Variants in SPTB observed in about 807,000 individuals in gnomAD.
SPTB encodes the protein spectrin beta, erythrocytic.
SPTB carries 45 observed loss-of-function variants against 256.2 expected under a neutral mutation model. The ratio of observed to expected loss-of-function variants is 0.18; its 90% confidence interval spans 0.14 to 0.23. SPTB has a LOEUF of 0.23. Ranked by LOEUF, SPTB falls within the 10% of genes least tolerant of loss-of-function variation. SPTB has a pLI of 1.00. For missense variants in SPTB, 2,715 were observed against 3,040.4 expected (o/e 0.89, Z 2.52); for synonymous variants, 1,231 against 1,243.1 (o/e 0.99, Z 0.21).
chr14:64,775,368 C>G lies in SPTB; in HGVS notation c.4599G>C (p.Arg1533=). The G allele has an allele frequency of 6.2e-7, 1 of 1,613,250 alleles. No homozygotes were observed. ...GCCCTCTCTGCAGCACATCCTCAACCCGCGGCGTATGGCCCAGAATCTCAT... is the reference window on the plus strand; with the variant it reads ...GCCCTCTCTGCAGCACATCCTCAACGCGCGGCGTATGGCCCAGAATCTCAT... ...LQNEILGHTP[R]VEDVLQRGQQ... Residue 1533 remains arginine (R), a synonymous_variant, in exon 23 of 36, where the codon CGG becomes CGC. Coordinates refer to ENST00000644917, the MANE Select transcript of SPTB (RefSeq NM_001355436.2). This position sits in a 1 kb window ranked among gnomAD's most constrained non-coding sequence, Gnocchi z 5.0.
At chr14:64,834,800 A>C (rs76315978) in intron 1 of SPTB, among the ~76,000 whole-genome samples, 1 of 151,344 alleles carries the variant, frequency 6.6e-6, no homozygotes, top group South Asian at 2.1e-4. Context: ...ACCCAAAAAA[A>C]TTGATAAAAG....
rs566427804 is a variant in SPTB at position 64,765,838 on chromosome 14, G to A, written c.6345+888C>T. On this transcript the variant is annotated intron_variant, in intron 32 of 35. Transcript: ENST00000644917. ...TGTGTGTGAGTGTGTGTGTGTGTGG[G>A]GGTGTGGTGTGTGCACATGTATGTG... Among the ~76,000 whole-genome samples the A allele has an allele frequency of 2.4e-3, 357 of 146,744 alleles. 2 individuals carry two copies. The highest frequency in any genetic ancestry group is 3.9e-3 in the Non-Finnish European group (264 of 66,974).
chr14:64,787,224 G>GGA, intron 15 of SPTB, 64 bp from the exon 16 acceptor site: 1 of 1,589,328 alleles, frequency 6.3e-7, no homozygotes, highest in African/African-American at 1.3e-5. Flanking sequence ...TCTTCCCATA[G>GGA]GAGACCCTGA....
chr14:64,849,304 CAA>C (rs1412536524), intron 1 of SPTB, among the ~76,000 whole-genome samples: 2 of 152,188 alleles, frequency 1.3e-5, no homozygotes, highest in African/African-American at 4.8e-5. Context: ...TGGCACAAGC[CAA>C]AGTTTCCCCA....
intron 31 of SPTB, 88 bp downstream of exon 31, chr14:64,767,208 TGCAACTG>T (rs1382364964): frequency 6.6e-6 from 10 of 1,520,190 alleles, no homozygotes; most frequent in Non-Finnish European, 9.1e-6. Flanking sequence ...AGAAGTCAAA[TGCAACTG>T]GTCCCAATGT....
intron 2 of SPTB, among the ~76,000 whole-genome samples, chr14:64,811,372 T>C (rs921907155): frequency 1.3e-5 from 2 of 152,204 alleles, no homozygotes; most frequent in African/African-American, 4.8e-5. Context: ...CACACGCACA[T>C]GCAAACACAC....
chr14:64,865,547 C>A (rs1379764947), intron 1 of SPTB, among the ~76,000 whole-genome samples: 2 of 152,080 alleles, frequency 1.3e-5, no homozygotes, highest in East Asian at 3.9e-4. Context: ...GGGTCAGATG[C>A]GGTGAGAGCA....
In SPTB at chr14:64,782,320, G is replaced by C. The variant is rs229639; in HGVS notation, c.4236C>G (p.Thr1412=). The change falls in exon 20 of 36, where the codon ACC becomes ACG. Residue 1412 remains threonine (T), a synonymous_variant. Coordinates refer to ENST00000644917, the MANE Select transcript of SPTB (RefSeq NM_001355436.2). ...GCTTAGCCAACATCCGATTGACACT[G>C]GTCAGGTCCTTGCCCGGGTCGTCTG... ...LRSDDPGKDL[T]SVNRMLAKLK... The C allele has an allele frequency of 5.0e-6, 8 of 1,614,174 alleles. No individual in the cohort carries two copies. Among genetic ancestry groups the C allele is most frequent in the African/African-American group, 1.3e-5 (1 of 75,034 alleles).
rs1200921467 is a variant in SPTB at position 64,779,625 on chromosome 14, G to A, written c.4473+100C>T. 1.4e-5 allele frequency: 17 copies of A among 1,241,906 alleles called. No homozygotes were observed. The allele number at this position is 1,241,906 out of a possible 1,614,324, so 76.9% of individuals were successfully genotyped here. On this transcript the variant is annotated intron_variant, in intron 21 of 35. Transcript: ENST00000644917. This position sits in a 1 kb window ranked among gnomAD's most constrained non-coding sequence, Gnocchi z 4.2. Reference sequence around the variant, plus strand: ...TATGAGATAAGGGGTGAGGTGACCAGTCATCTACTGCCAAAAATTGCTCTG... The same window carrying A: ...TATGAGATAAGGGGTGAGGTGACCAATCATCTACTGCCAAAAATTGCTCTG...
At chr14:64,765,764 C>T (rs904410452) in intron 32 of SPTB, among the ~76,000 whole-genome samples, 1 of 151,660 alleles carries the variant, frequency 6.6e-6, no homozygotes, top group Admixed American at 6.6e-5. Context: ...ACTGAAGATG[C>T]CTGTGGTGGG....
rs182196242 is a variant in SPTB at position 64,816,112 on chromosome 14, T to A, written c.148+6835A>T. ...AGCCCTAAAAACCCAAATCTAACCG[T>A]GTCATTTCCCTGCTGAAAGTACTTT... On this transcript the variant is annotated intron_variant, in intron 2 of 35. Transcript: ENST00000644917. The surrounding 1 kb of genome is among the most constrained non-coding windows in gnomAD (Gnocchi z 4.2). 6.6e-6 allele frequency among the ~76,000 whole-genome samples: 1 copy of A among 152,260 alleles called. No individual in the cohort carries two copies. Among genetic ancestry groups the A allele is most frequent in the Admixed American group, 6.5e-5 (1 of 15,294 alleles).
chr14:64,791,637 A>C (rs1002610789), intron 15 of SPTB, 82 bp downstream of exon 15: 15 of 1,417,206 alleles, frequency 1.1e-5, no homozygotes, highest in Non-Finnish European at 1.4e-5. Flanking sequence ...TACTAGGTGG[A>C]CTAAATTTTG....
Position 64,767,667 on chromosome 14 carries a change from G to A in SPTB, c.6215C>T (p.Thr2072Ile). The A allele has an allele frequency of 6.2e-7, 1 of 1,614,058 alleles. No individual in the cohort carries two copies. The highest frequency in any genetic ancestry group is 8.5e-7 in the Non-Finnish European group (1 of 1,180,028). ...CCAGCACTGTTCCCTGCTCACCGTGGTGGGCTTCTCCAGGGCAGCAAAGCG... is the reference window on the plus strand; with the variant it reads ...CCAGCACTGTTCCCTGCTCACCGTGATGGGCTTCTCCAGGGCAGCAAAGCG... ...AERFAALEKP[T>I]TLELKERQIA... The change falls in exon 30 of 36, where the codon ACC (threonine) becomes ATC (isoleucine). Residue 2072 changes from threonine (T) to isoleucine (I), a missense_variant. Transcript: ENST00000644917.
chr14:64,769,166 C>T (rs1266544439), intron 28 of SPTB, 48 bp from the exon 29 acceptor site: 1 of 1,563,406 alleles, frequency 6.4e-7, no homozygotes, highest in Non-Finnish European at 8.8e-7. Flanking sequence ...CACCCTTCAC[C>T]ATCTGAGGCA....
chr14:64,829,265 T>C (rs1000022748), intron 1 of SPTB, among the ~76,000 whole-genome samples: 6 of 152,208 alleles, frequency 3.9e-5, no homozygotes, highest in African/African-American at 9.6e-5. Flanking sequence ...ACCCAGAATG[T>C]AGGGCATTCT....
In SPTB at chr14:64,749,582, C is replaced by T. The variant is rs1473809465; in HGVS notation, c.6819+72G>A. 2.1e-5 allele frequency: 34 copies of T among 1,608,504 alleles called. No homozygotes were observed. Among genetic ancestry groups the T allele is most frequent in the Non-Finnish European group, 2.8e-5 (33 of 1,179,366 alleles). The stretch of plus-strand genomic sequence containing the variant: ...GGACTGCCCCTTCTGAGGGGGCCTC[C>T]AGGGCAAGCGGCCTGGGGTCCTCCA... On this transcript the variant is annotated intron_variant, in intron 35 of 35. Transcript: ENST00000644917. This position sits in a 1 kb window ranked among gnomAD's most constrained non-coding sequence, Gnocchi z 4.7.
At chr14:64,767,243 G>T in intron 31 of SPTB, 60 bp downstream of exon 31, 1 of 1,602,644 alleles carries the variant, frequency 6.2e-7, no homozygotes, top group Non-Finnish European at 8.5e-7. Context: ...CTGATGAAAG[G>T]CACCCCCTAC....
At chr14:64,828,484 G>A (rs2083406036) in intron 1 of SPTB, among the ~76,000 whole-genome samples, 2 of 152,146 alleles carry the variant, frequency 1.3e-5, no homozygotes, top group South Asian at 2.1e-4. Context: ...TAAAGGAGAG[G>A]GGAGAGATGA....
chr14:64,833,485 G>A (rs560403312), intron 1 of SPTB, among the ~76,000 whole-genome samples: 4 of 151,966 alleles, frequency 2.6e-5, no homozygotes, highest in Non-Finnish European at 2.9e-5. Context: ...CTGGGAGGCA[G>A]AGGTTGCAGT....
Sources: gnomAD v4.1 joint callset for allele counts (sites outside exome capture counted in the v4.1 genomes callset) on GRCh38, gnomAD v4.1.1 for gene constraint, Gnocchi (gnomAD v3.1) non-coding constraint, MANE v1.5 for transcripts, NCBI Gene and HGNC (gene_info 2026-07-23, HGNC 2026-07-21) for gene names.